The following RAB38 variants were observed in gnomAD, a reference collection of about 807,000 sequenced individuals.
RAB38 encodes the protein ras-related protein Rab-38.
A neutral mutation model predicts 18.4 loss-of-function variants in RAB38; 15 were observed. That is an observed-to-expected ratio of 0.82 (90% confidence interval 0.55 to 1.26). The LOEUF (loss-of-function observed/expected upper bound fraction) is 1.26, where lower values mean the gene tolerates loss of function less well. RAB38 is among the 50% of genes most tolerant of loss of function. The pLI, the probability that RAB38 is intolerant of heterozygous loss-of-function variation, is 0.00. For missense variants in RAB38, 294 were observed against 267.4 expected, an observed-to-expected ratio of 1.10 and a Z score of -0.69; for synonymous variants, 101 against 104.4, an observed-to-expected ratio of 0.97 and a Z score of 0.20.
At chr11:87,846,025 A>G in the RAB38 span, among the ~76,000 whole-genome samples, 2 of 152,126 alleles carry the variant, frequency 1.3e-5, no homozygotes, top group Non-Finnish European at 2.9e-5. Flanking sequence ...AGGAACGATA[A>G]AAGAAATTCT....
At chr11:88,032,022 CA>C in the RAB38 span, among the ~76,000 whole-genome samples, 5 of 150,412 alleles carry the variant, frequency 3.3e-5, no homozygotes, top group African/African-American at 1.2e-4. Context: ...GTACTGGTAC[CA>C]AAACAGAGAT....
At chr11:88,082,373 G>T in the RAB38 span, among the ~76,000 whole-genome samples, 1 of 151,730 alleles carries the variant, frequency 6.6e-6, no homozygotes, top group African/African-American at 2.4e-5. Flanking sequence ...AAAAAGGAAG[G>T]AGATCAATTT....
the RAB38 span, among the ~76,000 whole-genome samples, chr11:87,917,075 A>C: frequency 0.011 from 1,686 of 152,242 alleles, 35 homozygotes; most frequent in African/African-American, 0.037. Context: ...AGCAAGGGAC[A>C]TGAGGGCCAA....
At chr11:87,916,553 T>C in the RAB38 span, among the ~76,000 whole-genome samples, 2 of 152,114 alleles carry the variant, frequency 1.3e-5, no homozygotes, top group Non-Finnish European at 2.9e-5. Flanking sequence ...TGGACCTCAC[T>C]AGATACCAAC....
At chr11:87,932,044 C>T in the RAB38 span, among the ~76,000 whole-genome samples, 2 of 151,882 alleles carry the variant, frequency 1.3e-5, no homozygotes, top group Non-Finnish European at 2.9e-5. Context: ...CTCCATGTCC[C>T]AGTTCCAGGT....
the RAB38 span, among the ~76,000 whole-genome samples, chr11:88,086,574 T>G: frequency 1.3e-5 from 2 of 151,936 alleles, no homozygotes; most frequent in Admixed American, 6.6e-5. Flanking sequence ...GAGCTGGATA[T>G]TAGAGTAGGA....
intron 1 of RAB38, among the ~76,000 whole-genome samples, chr11:88,171,227 T>C (rs1943308880): frequency 6.6e-6 from 1 of 152,168 alleles, no homozygotes; most frequent in African/African-American, 2.4e-5. Context: ...GCAGGTATTG[T>C]TATTATTCCC....
At chr11:87,856,257 G>A in the RAB38 span, among the ~76,000 whole-genome samples, 1 of 152,034 alleles carries the variant, frequency 6.6e-6, no homozygotes, top group Non-Finnish European at 1.5e-5. Flanking sequence ...TTCCATGACT[G>A]GCACATAAAA....
the RAB38 span, among the ~76,000 whole-genome samples, chr11:88,086,831 A>G: frequency 2.0e-5 from 3 of 152,006 alleles, no homozygotes; most frequent in South Asian, 4.1e-4. Flanking sequence ...TCTTATTTCT[A>G]GCGGACTATT....
the RAB38 span, among the ~76,000 whole-genome samples, chr11:87,858,906 A>C: frequency 6.6e-6 from 1 of 151,692 alleles, no homozygotes; most frequent in African/African-American, 2.4e-5. Flanking sequence ...ATGATTAATA[A>C]AATTGTGTCC....
chr11:87,872,298 AT>A, the RAB38 span, among the ~76,000 whole-genome samples: 1 of 151,480 alleles, frequency 6.6e-6, no homozygotes, highest in Non-Finnish European at 1.5e-5. Context: ...TATAGACTAT[AT>A]TTTTAGAGCA....
In RAB38 at chr11:88,155,779, C is replaced by T. The variant is rs372049079; in HGVS notation, c.203-5824G>A. 3.0e-4 allele frequency among the ~76,000 whole-genome samples: 45 copies of T among 152,204 alleles called. 1 individual carries two copies. The South Asian group carries it at 5.0e-3, about 17-fold the overall frequency. ...GATCCAATATAAGATTGAAAAGAAA[C>T]GTCTAAAGCAGTCCAGAAAATGAAG... is the stretch of plus-strand genomic sequence containing the variant. On this transcript the variant is annotated intron_variant, in intron 1 of 2. Coordinates refer to ENST00000243662, the MANE Select transcript of RAB38 (RefSeq NM_022337.3).
At chr11:88,128,461 T>C (rs1942730801) in intron 2 of RAB38, among the ~76,000 whole-genome samples, 1 of 152,226 alleles carries the variant, frequency 6.6e-6, no homozygotes, top group Non-Finnish European at 1.5e-5. Flanking sequence ...AGTTACTGGT[T>C]GCAAAAATCA....
At chr11:87,962,212 A>G in the RAB38 span, among the ~76,000 whole-genome samples, 1 of 152,168 alleles carries the variant, frequency 6.6e-6, no homozygotes, top group Non-Finnish European at 1.5e-5. Flanking sequence ...AAGGAGTAGG[A>G]AAAAAAGCAT....
chr11:88,023,561 A>G, the RAB38 span, among the ~76,000 whole-genome samples: 12 of 152,126 alleles, frequency 7.9e-5, no homozygotes, highest in African/African-American at 2.9e-4. Flanking sequence ...TAAAATTTCT[A>G]TAGAATCACA....
At chr11:88,052,937 T>TTTC in the RAB38 span, among the ~76,000 whole-genome samples, 1 of 111,418 alleles carries the variant, frequency 9.0e-6, no homozygotes, top group African/African-American at 3.5e-5. Context: ...TATATATATA[T>TTTC]ATATATAAAT....
chr11:88,170,587 G>A (rs1943299923), intron 1 of RAB38, among the ~76,000 whole-genome samples: 1 of 152,180 alleles, frequency 6.6e-6, no homozygotes, highest in Non-Finnish European at 1.5e-5. Context: ...AAGGACTCCT[G>A]ACACTGGGCC....
chr11:87,926,377 G>A, the RAB38 span, among the ~76,000 whole-genome samples: 1 of 152,010 alleles, frequency 6.6e-6, no homozygotes, highest in African/African-American at 2.4e-5. Context: ...TTCTGACCCT[G>A]AAGCTAGATC....
chr11:88,152,610 T>C (rs1943076919), intron 1 of RAB38, among the ~76,000 whole-genome samples: 1 of 152,222 alleles, frequency 6.6e-6, no homozygotes, highest in Admixed American at 6.5e-5. Context: ...AGAGCATTTC[T>C]AGCACTCACA....
Sources: gnomAD v4.1 joint callset for allele counts (sites outside exome capture counted in the v4.1 genomes callset) on GRCh38, gnomAD v4.1.1 for gene constraint, MANE v1.5 for transcripts, NCBI Gene and HGNC (gene_info 2026-07-23, HGNC 2026-07-21) for gene names.